Variants in GPCPD1 observed in about 807,000 individuals in gnomAD.
GPCPD1 encodes glycerophosphocholine phosphodiesterase 1.
In GPCPD1, 29 loss-of-function variants were observed where a neutral mutation model predicts 89.2. That is an observed-to-expected ratio of 0.33 (90% CI 0.24 to 0.44). The LOEUF (loss-of-function observed/expected upper bound fraction) is 0.44, where lower values mean the gene tolerates loss of function less well. Among genes scored for constraint, GPCPD1 ranks in the 20% least tolerant of loss-of-function variants. The pLI, the probability that GPCPD1 is intolerant of heterozygous loss-of-function variation, is 1.00. For synonymous variants in GPCPD1, 258 were observed against 266.3 expected (o/e 0.97, Z 0.30); for missense variants, 594 against 808.9 (o/e 0.73, Z 3.22).
intron 4 of GPCPD1, 113 bp from the exon 5 acceptor site, chr20:5,586,382 T>G: frequency 1.6e-6 from 1 of 620,948 alleles, no homozygotes; most frequent in East Asian, 2.7e-5. Context: ...ACCAAAAGAT[T>G]CATCTTATTA....
intron 7 of GPCPD1, among the ~76,000 whole-genome samples, chr20:5,579,122 T>G (rs377443491): frequency 6.6e-6 from 1 of 151,702 alleles, no homozygotes; most frequent in East Asian, 1.9e-4. Flanking sequence ...GAGGTGGAGG[T>G]TGCAGTGAGC....
chr20:5,553,808 C>G (rs1302724485), intron 19 of GPCPD1, among the ~76,000 whole-genome samples: 2 of 152,130 alleles, frequency 1.3e-5, no homozygotes, highest in African/African-American at 4.8e-5. Flanking sequence ...AAAGTTGGAA[C>G]CCAACAGAAG....
intron 1 of GPCPD1, among the ~76,000 whole-genome samples, chr20:5,609,268 A>G (rs1435001588): frequency 6.6e-6 from 1 of 152,198 alleles, no homozygotes; most frequent in East Asian, 1.9e-4. Flanking sequence ...AGTAATATAT[A>G]AAATGCCTAA....
At chr20:5,592,344 C>T (rs907511141) in intron 4 of GPCPD1, among the ~76,000 whole-genome samples, 1 of 152,138 alleles carries the variant, frequency 6.6e-6, no homozygotes, top group Non-Finnish European at 1.5e-5. Flanking sequence ...AAACTATTGT[C>T]AAGAAAAGCC....
chr20:5,583,225 CAAAAA>C (rs35153907), intron 6 of GPCPD1, among the ~76,000 whole-genome samples: 4 of 64,254 alleles, frequency 6.2e-5, no homozygotes, highest in Admixed American at 5.9e-4. Flanking sequence ...AACTCCATCT[CAAAAA>C]AAAAAAAAAA....
chr20:5,591,777 G>A (rs956472762), intron 4 of GPCPD1, among the ~76,000 whole-genome samples: 2 of 152,142 alleles, frequency 1.3e-5, no homozygotes, highest in African/African-American at 2.4e-5. Flanking sequence ...GAAAAAAACT[G>A]TAGCCATATG....
intron 3 of GPCPD1, among the ~76,000 whole-genome samples, chr20:5,593,739 T>C (rs899764592): frequency 6.6e-6 from 1 of 152,120 alleles, no homozygotes; most frequent in African/African-American, 2.4e-5. Context: ...CAGGTCTAAA[T>C]GATGAGAAGG....
At chr20:5,581,204 A>G (rs1978456169) in intron 6 of GPCPD1, among the ~76,000 whole-genome samples, 1 of 152,200 alleles carries the variant, frequency 6.6e-6, no homozygotes, top group Non-Finnish European at 1.5e-5. Context: ...TAATACATTG[A>G]GGTTACATAA....
chr20:5,592,514 C>T (rs1045284765), intron 4 of GPCPD1, among the ~76,000 whole-genome samples: 5 of 152,096 alleles, frequency 3.3e-5, no homozygotes, highest in South Asian at 2.1e-4. Flanking sequence ...GCTAAGAGCA[C>T]GAGGTAACAG....
intron 2 of GPCPD1, 80 bp from the exon 3 acceptor site, chr20:5,598,901 C>A: frequency 1.2e-6 from 1 of 857,412 alleles, no homozygotes; most frequent in South Asian, 1.4e-5. Context: ...TGCATTAGTT[C>A]AACCAGATAT....
At chr20:5,549,500 T>C in intron 19 of GPCPD1, 1 of 1,157,454 alleles carries the variant, frequency 8.6e-7, no homozygotes, top group Non-Finnish European at 1.3e-6. Flanking sequence ...CTTCTGAGTA[T>C]TCTTCTGAGT....
chr20:5,554,134 AATT>A (rs543486729), intron 19 of GPCPD1, among the ~76,000 whole-genome samples: 2 of 132,872 alleles, frequency 1.5e-5, no homozygotes, highest in Non-Finnish European at 3.2e-5. Flanking sequence ...ACGCCCGGCT[AATT>A]ATTATTATTA....
intron 6 of GPCPD1, among the ~76,000 whole-genome samples, chr20:5,583,420 C>T (rs1027512642): frequency 8.6e-5 from 13 of 151,100 alleles, no homozygotes; most frequent in African/African-American, 1.9e-4. Flanking sequence ...TGGTAGCAGG[C>T]GCCTATAATC....
In GPCPD1 at chr20:5,586,039, T is replaced by C. The variant is rs1018070116; in HGVS notation, c.307+155A>G. On this transcript the variant is annotated intron_variant, in intron 5 of 19. Coordinates refer to ENST00000379019, the MANE Select transcript of GPCPD1 (RefSeq NM_019593.5). ...AAGAGGCAATTAAAAACTGTTGTTT[T>C]GAAAGATCCATGAAATGCTCAGTGA... 24 of 442,780 alleles carry C rather than the reference T, an allele frequency of 5.4e-5. 1 individual carries two copies. The highest frequency in any genetic ancestry group is 8.6e-5 in the Non-Finnish European group (21 of 244,948). The allele number at this position is 442,780 out of a possible 1,614,324, so 27.4% of individuals were successfully genotyped here. A position where few individuals can be genotyped will look rare whatever the true frequency, so the allele number is the denominator to read the frequency against.
At chr20:5,589,759 T>G (rs1195883597) in intron 4 of GPCPD1, among the ~76,000 whole-genome samples, 2 of 152,202 alleles carry the variant, frequency 1.3e-5, no homozygotes, top group Non-Finnish European at 2.9e-5. Flanking sequence ...TTCTTTAAGA[T>G]CTAAGAAAAG....
In GPCPD1 at chr20:5,555,335, C is replaced by G. The variant is rs1985695153; in HGVS notation, c.1829+2610G>C. Among the ~76,000 whole-genome samples, 5 of 152,014 alleles carry G rather than the reference C, an allele frequency of 3.3e-5. No individual in the cohort carries two copies. In the South Asian group the frequency reaches 1.0e-3, roughly 32 times the overall value. ...GGCAGATCACCTGAGGTCAGCAATTCAAGAACAGCCTAGGCCAATATGGTG... is the reference window on the plus strand; with the variant it reads ...GGCAGATCACCTGAGGTCAGCAATTGAAGAACAGCCTAGGCCAATATGGTG... On this transcript the variant is annotated intron_variant, in intron 19 of 19. Transcript: ENST00000379019.
chr20:5,567,435 T>G, intron 13 of GPCPD1, 48 bp downstream of exon 13: 1 of 1,532,474 alleles, frequency 6.5e-7, no homozygotes, highest in Non-Finnish European at 8.7e-7. Context: ...GCAAGTACAA[T>G]AGTCCTAAAG....
intron 8 of GPCPD1, among the ~76,000 whole-genome samples, chr20:5,577,585 C>T (rs932379695): frequency 6.6e-6 from 1 of 151,926 alleles, no homozygotes; most frequent in Non-Finnish European, 1.5e-5. Flanking sequence ...ACAGATCTTA[C>T]TGCTTACTGG....
intron 19 of GPCPD1, among the ~76,000 whole-genome samples, chr20:5,550,125 CAG>C: frequency 6.6e-6 from 1 of 151,648 alleles, no homozygotes; most frequent in South Asian, 2.1e-4. Context: ...ACCCAGTAGA[CAG>C]AGGTTGCAGT....
Sources: allele counts gnomAD v4.1 joint callset (sites outside exome capture counted in the v4.1 genomes callset), GRCh38; gene constraint gnomAD v4.1.1; transcripts MANE v1.5; gene names NCBI Gene and HGNC (gene_info 2026-07-23, HGNC 2026-07-21).